The following SPAG1 variants were observed in gnomAD, a reference collection of about 807,000 sequenced individuals.
SPAG1 encodes sperm-associated antigen 1.
SPAG1 carries 69 observed loss-of-function variants against 100.5 expected under a neutral mutation model. That is an observed-to-expected ratio of 0.69 (90% CI 0.57 to 0.84). The LOEUF (loss-of-function observed/expected upper bound fraction) is 0.84, where lower values mean the gene tolerates loss of function less well. Ranked by LOEUF, SPAG1 falls within the 40% of genes least tolerant of loss-of-function variation. The pLI is 0.00. For missense variants in SPAG1, 955 were observed against 1,133.1 expected (o/e 0.84, Z 2.26); for synonymous variants, 336 against 411.6 (o/e 0.82, Z 2.22).
At chr8:100,182,387 G>C (rs1329109667) in intron 4 of SPAG1, among the ~76,000 whole-genome samples, 7 of 152,188 alleles carry the variant, frequency 4.6e-5, no homozygotes, top group Non-Finnish European at 8.8e-5. Context: ...AACTGAAGAT[G>C]GAGAGAAGAG....
intron 8 of SPAG1, among the ~76,000 whole-genome samples, chr8:100,190,769 A>G (rs1816782207): frequency 6.6e-6 from 1 of 150,690 alleles, no homozygotes; most frequent in African/African-American, 2.4e-5. Flanking sequence ...GGCTCAAACA[A>G]TTCTCCTGCC....
chr8:100,172,820 T>C (rs1420463455), intron 3 of SPAG1, among the ~76,000 whole-genome samples: 1 of 152,114 alleles, frequency 6.6e-6, no homozygotes, highest in African/African-American at 2.4e-5. Flanking sequence ...TGTTGAGGTA[T>C]ATGTATTCTG....
At chr8:100,188,027 A>G (rs1816659911) in intron 8 of SPAG1, among the ~76,000 whole-genome samples, 1 of 151,916 alleles carries the variant, frequency 6.6e-6, no homozygotes, top group African/African-American at 2.4e-5. Flanking sequence ...TAATTGTTGT[A>G]TTTTTAGTAG....
chr8:100,196,125 A>G (rs1301424891), intron 10 of SPAG1, among the ~76,000 whole-genome samples: 4 of 152,234 alleles, frequency 2.6e-5, no homozygotes, highest in Non-Finnish European at 4.4e-5. Context: ...CGGTTATTCA[A>G]GGACATTCAG....
rs2132289945 is a variant in SPAG1 at position 100,194,229 on chromosome 8, A to AAAG, written c.1059_1060insGAA (p.Lys353_Ser354insGlu). 1 of 1,603,560 alleles carries AAAG rather than the reference A, an allele frequency of 6.2e-7. No homozygotes were observed. The highest frequency in any genetic ancestry group is 8.5e-7 in the Non-Finnish European group (1 of 1,173,336). On this transcript the variant is annotated inframe_insertion, in exon 10 of 19. Coordinates refer to ENST00000388798, the MANE Select transcript of SPAG1 (RefSeq NM_003114.5). The stretch of plus-strand genomic sequence containing the variant: ...AGAAAACTCCGAAGATGAAGAAGGA[A>AAAG]AAAGCGGAAGAAAACATGAAGATGG...
chr8:100,194,617 T>C (rs916127160), intron 10 of SPAG1: 4 of 418,754 alleles, frequency 9.6e-6, no homozygotes, highest in African/African-American at 2.0e-5. Context: ...TGCAAACAAA[T>C]GTGTTGGTTT....
chr8:100,216,646 A>AGACC (rs1191731742), intron 12 of SPAG1, among the ~76,000 whole-genome samples: 1 of 152,194 alleles, frequency 6.6e-6, no homozygotes, highest in African/African-American at 2.4e-5. Flanking sequence ...ACCTCCGTAG[A>AGACC]GACCGACCTA....
intron 16 of SPAG1, among the ~76,000 whole-genome samples, chr8:100,234,769 AG>A (rs1315063455): frequency 6.6e-6 from 1 of 152,120 alleles, no homozygotes; most frequent in African/African-American, 2.4e-5. Context: ...AGATGTGACT[AG>A]GAGTGGGGAT....
rs777023854 is a variant in SPAG1 at position 100,220,800 on chromosome 8, C to T, written c.1688+369C>T. On this transcript the variant is annotated intron_variant, in intron 13 of 18. Transcript: ENST00000388798. ...TAAAATCAGTACTAGTAGCTGGGTG[C>T]GGTGGCTGATGCCTGTAATCCTAGC... Among the ~76,000 whole-genome samples the T allele has an allele frequency of 3.3e-5, 5 of 152,208 alleles. No individual in the cohort carries two copies. The South Asian group carries it at 6.2e-4, about 19-fold the overall frequency.
chr8:100,174,996 G>T, intron 3 of SPAG1, among the ~76,000 whole-genome samples: 1 of 148,784 alleles, frequency 6.7e-6, no homozygotes, highest in South Asian at 2.1e-4. Flanking sequence ...TCTTAGAGAT[G>T]GGATCTTGCC....
chr8:100,198,896 A>G (rs1817146896), intron 10 of SPAG1, among the ~76,000 whole-genome samples: 1 of 152,196 alleles, frequency 6.6e-6, no homozygotes, highest in Non-Finnish European at 1.5e-5. Context: ...AGACTTTTGT[A>G]TCTGTCTTTC....
intron 10 of SPAG1, among the ~76,000 whole-genome samples, chr8:100,196,711 T>G (rs1308437279): frequency 6.6e-6 from 1 of 152,138 alleles, no homozygotes; most frequent in African/African-American, 2.4e-5. Context: ...TCCAGTTTTT[T>G]TAATGGACTG....
At chr8:100,158,127 C>T (rs1815139331), upstream of SPAG1, 2 of 152,476 alleles carry the variant, frequency 1.3e-5, no homozygotes, top group African/African-American at 2.4e-5. Context: ...CAGTGAGTGC[C>T]TGTGTGTACC....
rs1019529753 is a variant in SPAG1 at position 100,239,133 on chromosome 8, C to A, written c.2116-107C>A. ...TTTGTAAGAGTGGTATTAATGTGGA[C>A]CCTGCACACATACTGCACAGCTCAC... On this transcript the variant is annotated intron_variant, in intron 16 of 18. Transcript: ENST00000388798. This position sits in a 1 kb window ranked among gnomAD's most constrained non-coding sequence, Gnocchi z 5.0. The A allele has an allele frequency of 3.2e-6, 2 of 618,052 alleles. No homozygotes were observed. The highest frequency in any genetic ancestry group is 5.9e-5 in the East Asian group (2 of 33,848). The allele number at this position is 618,052 out of a possible 1,614,324, so 38.3% of individuals were successfully genotyped here.
intron 17 of SPAG1, 72 bp from the exon 18 acceptor site, chr8:100,240,331 G>C: frequency 7.1e-7 from 1 of 1,410,284 alleles, no homozygotes; most frequent in African/African-American, 1.4e-5. Context: ...TTCTCATTCT[G>C]ACAGACGTAC....
upstream of SPAG1, chr8:100,158,191 GGGGCGAGA>G (rs1815144485): frequency 6.6e-6 from 1 of 152,522 alleles, no homozygotes; most frequent in Admixed American, 6.5e-5. Context: ...TCCCGGAGCG[GGGGCGAGA>G]GGTCGAGGCG....
intron 4 of SPAG1, among the ~76,000 whole-genome samples, chr8:100,182,713 C>T (rs1178343510): frequency 3.9e-5 from 6 of 152,084 alleles, no homozygotes; most frequent in Non-Finnish European, 1.5e-5. Flanking sequence ...TCTTGTTTCT[C>T]CAATGCCTAG....
chr8:100,171,790 C>G (rs1245464487), intron 3 of SPAG1, among the ~76,000 whole-genome samples: 2 of 152,244 alleles, frequency 1.3e-5, no homozygotes, highest in East Asian at 1.9e-4. Context: ...TGTCTAGTGT[C>G]TGACCACCAT....
At chr8:100,236,335 G>T (rs924529592) in intron 16 of SPAG1, among the ~76,000 whole-genome samples, 7 of 152,198 alleles carry the variant, frequency 4.6e-5, no homozygotes, top group Admixed American at 1.3e-4. Flanking sequence ...GAGAGACAGG[G>T]TCTCACTATG....
Sources: allele counts gnomAD v4.1 joint callset (sites outside exome capture counted in the v4.1 genomes callset), GRCh38; gene constraint gnomAD v4.1.1; non-coding constraint Gnocchi (gnomAD v3.1); transcripts MANE v1.5; gene names NCBI Gene and HGNC (gene_info 2026-07-23, HGNC 2026-07-21).